Variants in RPH3AL observed in about 807,000 individuals in gnomAD.
The protein encoded by RPH3AL is rab effector Noc2.
RPH3AL carries 38 observed loss-of-function variants against 43.1 expected under a neutral mutation model. The observed-to-expected ratio is 0.88, with a 90% CI of 0.68 to 1.15. RPH3AL has a LOEUF of 1.15. RPH3AL is among the 50% of genes most tolerant of loss of function. RPH3AL has a pLI of 0.00. For missense variants in RPH3AL, 462 were observed against 423.2 expected (o/e 1.09, Z -0.81); for synonymous variants, 189 against 176.3 (o/e 1.07, Z -0.57).
Position 310,751 on chromosome 17 carries a change from C to G in RPH3AL, c.351+8669G>C, listed in dbSNP as rs144492573. Reference sequence around the variant, plus strand: ...GCACTGGGATCCGCATGGCTCCTGACACCAGTCGGTGTGCGATAAATATTT... The same window carrying G: ...GCACTGGGATCCGCATGGCTCCTGAGACCAGTCGGTGTGCGATAAATATTT... On this transcript the variant is annotated intron_variant, in intron 5 of 9. Coordinates refer to ENST00000331302, the MANE Select transcript of RPH3AL (RefSeq NM_006987.4). Among the ~76,000 whole-genome samples the G allele has an allele frequency of 1.2e-4, 19 of 152,338 alleles. No individual in the cohort carries two copies. In the East Asian group the frequency reaches 3.7e-3, roughly 29 times the overall value.
chr17:293,804 G>A (rs564318145), intron 5 of RPH3AL, among the ~76,000 whole-genome samples: 7 of 151,998 alleles, frequency 4.6e-5, no homozygotes, highest in African/African-American at 7.3e-5. Context: ...TGAGGTGGGC[G>A]GATCGCCTGA....
chr17:325,938 G>A (rs752073185), intron 3 of RPH3AL, among the ~76,000 whole-genome samples: 1 of 152,202 alleles, frequency 6.6e-6, no homozygotes, highest in African/African-American at 2.4e-5. Context: ...TGCACCCCAG[G>A]GGAGGGGATA....
intron 1 of RPH3AL, among the ~76,000 whole-genome samples, chr17:341,684 C>T (rs2151730400): frequency 6.6e-6 from 1 of 152,212 alleles, no homozygotes; most frequent in East Asian, 1.9e-4. Flanking sequence ...ACACCATACA[C>T]ACCAAAAGAA....
At chr17:268,939 C>T (rs1270416670) in intron 6 of RPH3AL, among the ~76,000 whole-genome samples, 10 of 152,030 alleles carry the variant, frequency 6.6e-5, no homozygotes, top group African/African-American at 1.4e-4. Flanking sequence ...AGTGCAGTGC[C>T]GCGATCTCGG....
chr17:233,969 C>T (rs28744622), intron 7 of RPH3AL, among the ~76,000 whole-genome samples: 5,175 of 37,320 alleles, frequency 0.14, 40 homozygotes, highest in African/African-American at 0.19. Flanking sequence ...CCAACTTCCC[C>T]GAGCAGGGAG....
intron 6 of RPH3AL, among the ~76,000 whole-genome samples, chr17:275,714 T>C (rs1236462145): frequency 6.6e-6 from 1 of 152,156 alleles, no homozygotes; most frequent in East Asian, 1.9e-4. Flanking sequence ...ACCTGGCTAA[T>C]GTGGGGATTT....
intron 1 of RPH3AL, among the ~76,000 whole-genome samples, chr17:343,696 G>A (rs1241370197): frequency 6.6e-6 from 1 of 152,194 alleles, no homozygotes; most frequent in Admixed American, 6.5e-5. Flanking sequence ...GGAAATATCT[G>A]GAGACATAGT....
intron 6 of RPH3AL, among the ~76,000 whole-genome samples, chr17:271,343 A>C (rs529631421): frequency 2.6e-5 from 4 of 152,330 alleles, no homozygotes; most frequent in South Asian, 2.1e-4. Flanking sequence ...GGGGATGGCA[A>C]TGAATCTACA....
At chr17:338,902 G>A (rs1372098388) in intron 1 of RPH3AL, 1 of 152,446 alleles carries the variant, frequency 6.6e-6, no homozygotes, top group Non-Finnish European at 1.5e-5. Context: ...GTGTGCTGAG[G>A]GCGGTGCTCC....
intron 5 of RPH3AL, among the ~76,000 whole-genome samples, chr17:307,547 C>A (rs749764402): frequency 2.6e-5 from 4 of 152,216 alleles, no homozygotes; most frequent in Non-Finnish European, 5.9e-5. Flanking sequence ...AGGGCAGGGG[C>A]TGGCATCTCT....
At chr17:256,257 C>G (rs375835492) in intron 6 of RPH3AL, among the ~76,000 whole-genome samples, 6 of 89,762 alleles carry the variant, frequency 6.7e-5, no homozygotes, top group Admixed American at 1.2e-4. Context: ...AGGGGAGCCG[C>G]ACGGCGTCTG....
chr17:312,874 T>G (rs1428548248), intron 5 of RPH3AL, among the ~76,000 whole-genome samples: 1 of 152,178 alleles, frequency 6.6e-6, no homozygotes, highest in East Asian at 1.9e-4. Context: ...CTCACAATCC[T>G]GCAGCCAGGG....
rs1271138978 is a variant in RPH3AL, at chr17:264,218, C to T, written c.439-16933G>A. Among the ~76,000 whole-genome samples the T allele has an allele frequency of 6.6e-6, 1 of 152,188 alleles. No homozygotes were observed. Among genetic ancestry groups the T allele is most frequent in the African/African-American group, 2.4e-5 (1 of 41,456 alleles). The stretch of plus-strand genomic sequence containing the variant: ...CGGAAATGCCATCTGTCACTCAAAC[C>T]CGAATAGAACCACCCTACCTCAAAG... On this transcript the variant is annotated intron_variant, in intron 6 of 9. Coordinates refer to ENST00000331302, the MANE Select transcript of RPH3AL (RefSeq NM_006987.4). The surrounding 1 kb of genome is among the most constrained non-coding windows in gnomAD (Gnocchi z 4.8).
At chr17:301,756 GCCGAGCTGTGAC>G (rs2043334135) in intron 5 of RPH3AL, among the ~76,000 whole-genome samples, 1 of 152,122 alleles carries the variant, frequency 6.6e-6, no homozygotes, top group South Asian at 2.1e-4. Context: ...AAAGTCCTGA[GCCGAGCTGTGAC>G]CACGCCTGGC....
chr17:215,552 A>C lies in RPH3AL; in HGVS notation c.876+102T>G. 9.2e-7 allele frequency: 1 copy of C among 1,086,326 alleles called. No individual in the cohort carries two copies. Among genetic ancestry groups the C allele is most frequent in the Non-Finnish European group, 1.2e-6 (1 of 849,834 alleles). The allele number at this position is 1,086,326 out of a possible 1,614,324, so 67.3% of individuals were successfully genotyped here. On this transcript the variant is annotated intron_variant, in intron 9 of 9. Transcript: ENST00000331302. This position sits in a 1 kb window ranked among gnomAD's most constrained non-coding sequence, Gnocchi z 4.1. ...CAGTGCTTGGTAAACAACATGCAGA[A>C]TTGAAAACGTCACCGACCAGTCTCC...
intron 6 of RPH3AL, among the ~76,000 whole-genome samples, chr17:261,282 G>A (rs1555546130): frequency 1.3e-5 from 2 of 152,190 alleles, no homozygotes; most frequent in Non-Finnish European, 2.9e-5. Context: ...AAGGGAATTA[G>A]GTTTAGATGA....
intron 6 of RPH3AL, among the ~76,000 whole-genome samples, chr17:275,134 T>C (rs568540315): frequency 1.5e-4 from 22 of 151,190 alleles, no homozygotes; most frequent in African/African-American, 5.3e-4. Flanking sequence ...CACCCCATAA[T>C]CCAAGAGAAA....
intron 6 of RPH3AL, among the ~76,000 whole-genome samples, chr17:252,195 T>C (rs782172565): frequency 1.3e-5 from 2 of 152,066 alleles, no homozygotes; most frequent in Middle Eastern, 3.4e-3. Flanking sequence ...GGCTGGTCTC[T>C]AACTCCTGGG....
chr17:272,916 TCCCAGCAAGGGCGACATCAGGGAGAGAC>T (rs1277179071), intron 6 of RPH3AL, among the ~76,000 whole-genome samples: 18 of 144,520 alleles, frequency 1.2e-4, no homozygotes, highest in African/African-American at 4.3e-4. Flanking sequence ...CGACGTGAGA[TCCCAGCAAGGGCGACATCAGGGAGAGAC>T]CCCAGCAAGG....
Sources: gnomAD v4.1 joint callset for allele counts (sites outside exome capture counted in the v4.1 genomes callset) on GRCh38, gnomAD v4.1.1 for gene constraint, Gnocchi (gnomAD v3.1) non-coding constraint, MANE v1.5 for transcripts, NCBI Gene and HGNC (gene_info 2026-07-23, HGNC 2026-07-21) for gene names.